Variants in CPNE4 observed in about 807,000 individuals in gnomAD.
CPNE4 encodes the protein copine 4.
In CPNE4, 25 loss-of-function variants were observed where a neutral mutation model predicts 67.9. That is an observed-to-expected ratio of 0.37 (90% CI 0.27 to 0.51). The LOEUF (loss-of-function observed/expected upper bound fraction) is 0.51. Ranked by LOEUF, CPNE4 falls within the 20% of genes least tolerant of loss-of-function variation. The probability of loss-of-function intolerance (pLI) is 0.93; values close to 1 mark genes in which losing one functional copy is unlikely to be tolerated. For synonymous variants in CPNE4, 242 were observed against 244.9 expected (o/e 0.99, Z 0.11); for missense variants, 464 against 690.8 (o/e 0.67, Z 3.68).
intron 1 of CPNE4, among the ~76,000 whole-genome samples, chr3:131,931,063 C>T (rs1170913895): frequency 6.6e-6 from 1 of 152,042 alleles, no homozygotes; most frequent in East Asian, 1.9e-4. Context: ...AATATCACTA[C>T]CTGATATTTT....
intron 6 of CPNE4, among the ~76,000 whole-genome samples, chr3:131,683,070 G>A (rs1234823125): frequency 6.6e-6 from 1 of 152,150 alleles, no homozygotes; most frequent in Non-Finnish European, 1.5e-5. Context: ...GTCCAGAAAT[G>A]CTGTGCAAGA....
At chr3:131,698,233 C>CAAAAAAAAAAAAAAAAAAAAAAAAAAA (rs369274504) in intron 4 of CPNE4, among the ~76,000 whole-genome samples, 14 of 64,462 alleles carry the variant, frequency 2.2e-4, no homozygotes, top group South Asian at 6.0e-4. Flanking sequence ...GGCTCTGTCT[C>CAAAAAAAAAAAAAAAAAAAAAAAAAAA]AAAAAAAAAA....
intron 2 of CPNE4, among the ~76,000 whole-genome samples, chr3:131,752,962 C>A (rs1406369189): frequency 2.7e-5 from 4 of 150,868 alleles, no homozygotes; most frequent in Admixed American, 2.6e-4. Flanking sequence ...AAAGAAAATG[C>A]CGGTGAGGAG....
chr3:131,542,948 G>A, intron 14 of CPNE4, 155 bp from the exon 15 acceptor site: 1 of 606,444 alleles, frequency 1.6e-6, no homozygotes, highest in Non-Finnish European at 2.9e-6. Context: ...TAGTCCTAAA[G>A]GCTTAGGGTT....
At chr3:131,888,439 G>A (rs114373116) in intron 2 of CPNE4, among the ~76,000 whole-genome samples, 3,043 of 151,780 alleles carry the variant, frequency 0.02, 44 homozygotes, top group Non-Finnish European at 0.032. Context: ...CTACTCCGAC[G>A]AAAAGGAGCT....
intron 2 of CPNE4, among the ~76,000 whole-genome samples, chr3:131,730,986 T>C (rs1345256821): frequency 6.6e-6 from 1 of 152,172 alleles, no homozygotes; most frequent in East Asian, 1.9e-4. Context: ...CAGCACCACT[T>C]AATGGATATA....
Position 131,990,083 on chromosome 3 carries a change from T to C in CPNE4, c.-2+44484A>G, listed in dbSNP as rs556732874. Among the ~76,000 whole-genome samples the C allele has an allele frequency of 4.1e-4, 56 of 136,852 alleles. 18 individuals are homozygous for C. The South Asian group carries it at 0.014, about 34-fold the overall frequency. 89.8% of individuals were successfully genotyped at this position (136,852 alleles called of 152,430 possible). On this transcript the variant is annotated intron_variant, in intron 1 of 15. Transcript: ENST00000429747. ...TGAATTGCAATGCCCATTGTTTCACTGGTAACTTTGTAAAACAGAAGAGAC... is the reference window on the plus strand; with the variant it reads ...TGAATTGCAATGCCCATTGTTTCACCGGTAACTTTGTAAAACAGAAGAGAC...
intron 2 of CPNE4, among the ~76,000 whole-genome samples, chr3:131,799,521 T>C (rs1401729349): frequency 6.6e-6 from 1 of 152,192 alleles, no homozygotes; most frequent in African/African-American, 2.4e-5. Context: ...TAATTTTGTT[T>C]TTTAAAATTT....
chr3:131,661,199 G>A (rs1280001926), intron 7 of CPNE4, among the ~76,000 whole-genome samples: 1 of 152,164 alleles, frequency 6.6e-6, no homozygotes. Flanking sequence ...CACAATGTCT[G>A]GTACCTGGTA....
intron 2 of CPNE4, among the ~76,000 whole-genome samples, chr3:131,798,736 C>A (rs2083990482): frequency 1.3e-5 from 2 of 152,072 alleles, no homozygotes; most frequent in Admixed American, 6.6e-5. Flanking sequence ...GGAATGACTT[C>A]TTCTTCTCTT....
At chr3:131,688,342 T>C (rs1394269966) in intron 5 of CPNE4, among the ~76,000 whole-genome samples, 1 of 152,120 alleles carries the variant, frequency 6.6e-6, no homozygotes, top group Non-Finnish European at 1.5e-5. Context: ...AAATGGTGGC[T>C]TTCATCATAA....
rs1560172130 is a variant in CPNE4 at position 131,717,846 on chromosome 3, C to CCTTTCT, written c.360+5599_360+5600insAGAAAG. Reference sequence around the variant, plus strand: ...GTGATCTTTCTTCCTTCCTTCCTTCCTTCCTCGCTCCCTCCTTTCTTTCTT... The same window carrying CCTTTCT: ...GTGATCTTTCTTCCTTCCTTCCTTCCCTTTCTTTCCTCGCTCCCTCCTTTCTTTCTT... On this transcript the variant is annotated intron_variant, in intron 3 of 15. Coordinates refer to ENST00000429747, the MANE Select transcript of CPNE4 (RefSeq NM_130808.3). 8.5e-4 allele frequency among the ~76,000 whole-genome samples: 34 copies of CCTTTCT among 40,142 alleles called. 1 individual carries two copies. The South Asian group carries it at 0.017, about 20-fold the overall frequency. 26.3% of individuals were successfully genotyped at this position (40,142 alleles called of 152,430 possible).
intron 10 of CPNE4, among the ~76,000 whole-genome samples, chr3:131,564,957 G>T (rs1936979278): frequency 6.6e-6 from 1 of 151,994 alleles, no homozygotes; most frequent in Admixed American, 6.6e-5. Flanking sequence ...ATGCCTGAAT[G>T]TTATCGCATT....
At chr3:131,569,921 G>A (rs535643432) in intron 10 of CPNE4, among the ~76,000 whole-genome samples, 2 of 151,714 alleles carry the variant, frequency 1.3e-5, no homozygotes, top group Non-Finnish European at 2.9e-5. Flanking sequence ...AATATCACTC[G>A]CCATGCCACT....
At chr3:131,819,756 A>G (rs1279489637) in intron 2 of CPNE4, among the ~76,000 whole-genome samples, 1 of 152,180 alleles carries the variant, frequency 6.6e-6, no homozygotes, top group Non-Finnish European at 1.5e-5. Flanking sequence ...TTTTTAGGCT[A>G]AAACAATAGG....
chr3:131,907,594 A>G (rs141866561), intron 1 of CPNE4, among the ~76,000 whole-genome samples: 4 of 152,032 alleles, frequency 2.6e-5, no homozygotes, highest in Admixed American at 1.3e-4. Flanking sequence ...TTCACACACA[A>G]GCACACACAC....
chr3:131,958,073 T>C (rs2072029604), intron 1 of CPNE4, among the ~76,000 whole-genome samples: 1 of 152,180 alleles, frequency 6.6e-6, no homozygotes. Flanking sequence ...TCTCAAAGCA[T>C]GAGAAAGACT....
chr3:131,775,617 C>T (rs755218356), intron 2 of CPNE4, among the ~76,000 whole-genome samples: 4 of 152,070 alleles, frequency 2.6e-5, no homozygotes, highest in Non-Finnish European at 4.4e-5. Flanking sequence ...GGAGTTTCCC[C>T]GCACAAGTTC....
intron 8 of CPNE4, among the ~76,000 whole-genome samples, chr3:131,584,311 C>T (rs1938036486): frequency 1.3e-5 from 2 of 152,204 alleles, no homozygotes; most frequent in Middle Eastern, 3.4e-3. Flanking sequence ...CCTCTGAGTA[C>T]CAGTTTTTGA....
Sources: allele counts gnomAD v4.1 joint callset (sites outside exome capture counted in the v4.1 genomes callset), GRCh38; gene constraint gnomAD v4.1.1; transcripts MANE v1.5; gene names NCBI Gene and HGNC (gene_info 2026-07-23, HGNC 2026-07-21).